Variants in NPFFR2 observed in about 807,000 individuals in gnomAD.
The protein encoded by NPFFR2 is neuropeptide FF receptor 2.
Under a neutral mutation model 13.1 loss-of-function variants are expected in NPFFR2, and 15 were observed. The ratio of observed to expected loss-of-function variants is 1.15; its 90% CI spans 0.77 to 1.76. NPFFR2 has a LOEUF of 1.76. Among genes scored for constraint, NPFFR2 ranks in the 40% most tolerant of loss-of-function variants. NPFFR2 has a pLI of 0.00. For missense variants in NPFFR2, 572 were observed against 503.5 expected (o/e 1.14, Z -1.30); for synonymous variants, 190 against 175.7 (o/e 1.08, Z -0.65).
rs1158358179 is a variant in NPFFR2, at chr4:72,038,905, C to CTTTTTTTTTTTTTT, written c.-8+6713_-8+6726dup. Among the ~76,000 whole-genome samples, 370 of 84,698 alleles carry CTTTTTTTTTTTTTT rather than the reference C, an allele frequency of 4.4e-3. 16 individuals are homozygous for CTTTTTTTTTTTTTT. Among genetic ancestry groups the CTTTTTTTTTTTTTT allele is most frequent in the Middle Eastern group, 0.014 (1 of 70 alleles). The allele number at this position is 84,698 out of a possible 152,430, so 55.6% of individuals were successfully genotyped here. ...AATTCTTGATTTTTAAATTTCCTTTCTTTTTTTTTTTTTTTTTTTTTGAGA... is the reference window on the plus strand; with the variant it reads ...AATTCTTGATTTTTAAATTTCCTTTCTTTTTTTTTTTTTTTTTTTTTTTTTTTTTTTTTTTGAGA... On this transcript the variant is annotated intron_variant, in intron 1 of 3. Coordinates refer to ENST00000308744, the MANE Select transcript of NPFFR2 (RefSeq NM_004885.3).
At chr4:72,084,737 C>T (rs1159222578) in intron 1 of NPFFR2, among the ~76,000 whole-genome samples, 2 of 152,118 alleles carry the variant, frequency 1.3e-5, no homozygotes, top group East Asian at 3.9e-4. Context: ...GTCTCTCAAC[C>T]TGGAATGAGG....
At chr4:72,079,693 T>G (rs970065761) in intron 1 of NPFFR2, among the ~76,000 whole-genome samples, 2 of 152,174 alleles carry the variant, frequency 1.3e-5, no homozygotes, top group Non-Finnish European at 2.9e-5. Context: ...GGGGACAGTA[T>G]GTTCAAACTA....
At chr4:72,080,307 G>A (rs1158974483) in intron 1 of NPFFR2, among the ~76,000 whole-genome samples, 3 of 151,994 alleles carry the variant, frequency 2.0e-5, no homozygotes, top group Non-Finnish European at 4.4e-5. Flanking sequence ...TGGGATTAGA[G>A]GTGCTCACCA....
At chr4:72,111,017 T>G (rs79596455) in intron 1 of NPFFR2, among the ~76,000 whole-genome samples, 1 of 152,120 alleles carries the variant, frequency 6.6e-6, no homozygotes, top group East Asian at 1.9e-4. Context: ...TTGCAGATTC[T>G]GTAAGCGATA....
At chr4:72,141,863 A>G (rs192383172) in intron 3 of NPFFR2, among the ~76,000 whole-genome samples, 1 of 152,294 alleles carries the variant, frequency 6.6e-6, no homozygotes, top group Admixed American at 6.5e-5. Context: ...GTGGGGTGTT[A>G]AAGTCTCCCA....
chr4:72,137,409 C>A (rs1722452161), intron 2 of NPFFR2, among the ~76,000 whole-genome samples: 1 of 152,092 alleles, frequency 6.6e-6, no homozygotes, highest in Non-Finnish European at 1.5e-5. Flanking sequence ...ATAAACTTTA[C>A]AGTAGCTAAG....
intron 1 of NPFFR2, among the ~76,000 whole-genome samples, chr4:72,035,336 G>T (rs573329063): frequency 6.6e-6 from 1 of 152,348 alleles, no homozygotes; most frequent in African/African-American, 2.4e-5. Context: ...TTCTGCCTGT[G>T]GCAGGGGAGG....
intron 1 of NPFFR2, chr4:72,069,030 A>T: frequency 5.2e-6 from 5 of 968,428 alleles, no homozygotes; most frequent in Non-Finnish European, 7.2e-6. Context: ...CTATGTAAGT[A>T]TTCTAATATT....
chr4:72,040,873 C>G (rs1719194071), intron 1 of NPFFR2, among the ~76,000 whole-genome samples: 1 of 150,558 alleles, frequency 6.6e-6, no homozygotes, highest in South Asian at 2.1e-4. Context: ...TATATTCCAT[C>G]TTTTGCCTGT....
intron 1 of NPFFR2, among the ~76,000 whole-genome samples, chr4:72,059,137 A>G (rs1446425078): frequency 1.3e-5 from 2 of 152,022 alleles, no homozygotes; most frequent in African/African-American, 4.8e-5. Context: ...TCTAGTACTC[A>G]TGTGTCTTAT....
intron 1 of NPFFR2, among the ~76,000 whole-genome samples, chr4:72,046,844 T>A (rs1304786206): frequency 6.6e-6 from 1 of 152,194 alleles, no homozygotes; most frequent in East Asian, 1.9e-4. Context: ...ATTGAAATAT[T>A]AAAGGTAAAG....
Position 72,032,005 on chromosome 4 carries a change from G to A in NPFFR2, c.-203G>A. 6.2e-7 allele frequency: 1 copy of A among 1,613,726 alleles called. No individual in the cohort carries two copies. The highest frequency in any genetic ancestry group is 8.5e-7 in the Non-Finnish European group (1 of 1,179,784). ...GCGGGGAGGGAGCGCAGAGCACTCA[G>A]CGTCCAGCAGCGCGGCGGGCCAGCC... On this transcript the variant is annotated 5_prime_UTR_variant, in exon 1 of 4. Coordinates refer to ENST00000308744, the MANE Select transcript of NPFFR2 (RefSeq NM_004885.3).
At chr4:72,125,066 A>C (rs1355576005) in intron 1 of NPFFR2, among the ~76,000 whole-genome samples, 1 of 152,236 alleles carries the variant, frequency 6.6e-6, no homozygotes, top group Admixed American at 6.5e-5. Context: ...TCTACAAGGA[A>C]TTTAAACAAA....
intron 1 of NPFFR2, among the ~76,000 whole-genome samples, chr4:72,040,754 G>A (rs909589690): frequency 1.3e-5 from 2 of 151,816 alleles, no homozygotes; most frequent in African/African-American, 2.4e-5. Context: ...AATTTGGGGA[G>A]ATGACCTATA....
chr4:72,108,361 A>G (rs1343276936), intron 1 of NPFFR2, among the ~76,000 whole-genome samples: 1 of 151,976 alleles, frequency 6.6e-6, no homozygotes, highest in South Asian at 2.1e-4. Context: ...AAGAACATTC[A>G]TTTCAATCAT....
chr4:72,100,551 T>C (rs2109809496), intron 1 of NPFFR2, among the ~76,000 whole-genome samples: 1 of 150,870 alleles, frequency 6.6e-6, no homozygotes, highest in South Asian at 2.1e-4. Context: ...GATATTCTTA[T>C]ACTACTACTA....
intron 1 of NPFFR2, among the ~76,000 whole-genome samples, chr4:72,070,189 T>G (rs1468761760): frequency 2.0e-5 from 3 of 152,164 alleles, no homozygotes; most frequent in African/African-American, 7.2e-5. Context: ...ATTTTCTCAT[T>G]GCTATCAGCA....
At chr4:72,049,240 T>C (rs1219252579) in intron 1 of NPFFR2, among the ~76,000 whole-genome samples, 1 of 152,130 alleles carries the variant, frequency 6.6e-6, no homozygotes, top group African/African-American at 2.4e-5. Context: ...GAAACCAAAG[T>C]ACATATATTA....
chr4:72,099,837 C>T (rs1721188271), intron 1 of NPFFR2, among the ~76,000 whole-genome samples: 1 of 151,944 alleles, frequency 6.6e-6, no homozygotes, highest in African/African-American at 2.4e-5. Context: ...TGCTACTATC[C>T]CTAGAGAACA....
Sources: allele counts gnomAD v4.1 joint callset (sites outside exome capture counted in the v4.1 genomes callset), GRCh38; gene constraint gnomAD v4.1.1; transcripts MANE v1.5; gene names NCBI Gene and HGNC (gene_info 2026-07-23, HGNC 2026-07-21).